CBX7: variants seen among roughly 807,000 people sequenced by gnomAD.
The protein encoded by CBX7 is chromobox protein homolog 7.
In CBX7, 14 loss-of-function variants were observed where a neutral mutation model predicts 31.4. The observed-to-expected ratio is 0.45, with a 90% CI of 0.29 to 0.70. CBX7 has a LOEUF of 0.70. Ranked by LOEUF, CBX7 falls within the 30% of genes least tolerant of loss-of-function variation. The pLI, the probability that CBX7 is intolerant of heterozygous loss-of-function variation, is 0.11. For missense variants in CBX7, 269 were observed against 351.9 expected, an observed-to-expected ratio of 0.76 and a Z score of 1.89; for synonymous variants, 159 against 152.6, an observed-to-expected ratio of 1.04 and a Z score of -0.31.
chr22:39,145,170 T>C (rs1930600140), intron 2 of CBX7, among the ~76,000 whole-genome samples: 1 of 151,924 alleles, frequency 6.6e-6, no homozygotes, highest in Non-Finnish European at 1.5e-5. Context: ...GGCAGCTGGG[T>C]CTGAGATAAC....
intron 3 of CBX7, among the ~76,000 whole-genome samples, chr22:39,140,770 G>T (rs1013954365): frequency 6.6e-6 from 1 of 152,196 alleles, no homozygotes; most frequent in East Asian, 1.9e-4. Context: ...AACTGTTAGG[G>T]TGTGCCCAGC....
At chr22:39,147,251 G>A (rs2146369633) in intron 2 of CBX7, 1 of 152,018 alleles carries the variant, frequency 6.6e-6, no homozygotes, top group African/African-American at 2.4e-5. Context: ...TTTTGGTAGA[G>A]ACGGGGTTTT....
intron 4 of CBX7, among the ~76,000 whole-genome samples, chr22:39,137,646 G>A (rs1290705312): frequency 6.6e-6 from 1 of 152,048 alleles, no homozygotes; most frequent in Non-Finnish European, 1.5e-5. Flanking sequence ...ACCGCACATG[G>A]CAGCATTTTG....
chr22:39,144,868 G>T (rs1241608717), intron 2 of CBX7, among the ~76,000 whole-genome samples: 1 of 152,240 alleles, frequency 6.6e-6, no homozygotes, highest in Non-Finnish European at 1.5e-5. Context: ...AGGCGCTGGC[G>T]AGGTAGGTGC....
At chr22:39,144,983 G>A (rs1371067468) in intron 2 of CBX7, among the ~76,000 whole-genome samples, 2 of 152,176 alleles carry the variant, frequency 1.3e-5, no homozygotes, top group East Asian at 1.9e-4. Flanking sequence ...GTTGGCTCTC[G>A]GCCACACTCC....
Position 39,134,394 on chromosome 22 carries a change from G to C in CBX7, c.598+7C>G. 1 of 1,592,832 alleles carries C rather than the reference G, an allele frequency of 6.3e-7. No homozygotes were observed. Among genetic ancestry groups the C allele is most frequent in the Non-Finnish European group, 8.5e-7 (1 of 1,176,224 alleles). On this transcript the variant is annotated splice_region_variant and intron_variant, in intron 5 of 5. Coordinates refer to ENST00000216133, the MANE Select transcript of CBX7 (RefSeq NM_175709.5). The stretch of plus-strand genomic sequence containing the variant: ...CTCTGAGGGTCTCTGGGCTGGGGCC[G>C]CCTTACCCTCCTCTTCAGGGGGCTG...
intron 4 of CBX7, 108 bp downstream of exon 4, chr22:39,138,528 C>T (rs1006994480): frequency 1.5e-5 from 16 of 1,040,522 alleles, no homozygotes; most frequent in Admixed American, 6.8e-5. Context: ...GTGGTACAGG[C>T]GAGGGGACAC....
chr22:39,151,862 GGGAATA>G (rs1214986573), intron 1 of CBX7, among the ~76,000 whole-genome samples: 1 of 146,072 alleles, frequency 6.8e-6, no homozygotes, highest in Non-Finnish European at 1.5e-5. Flanking sequence ...GGTGGGGGCG[GGGAATA>G]GGGATGTGCT....
chr22:39,145,059 G>C (rs985972416), intron 2 of CBX7, among the ~76,000 whole-genome samples: 8 of 152,156 alleles, frequency 5.3e-5, no homozygotes, highest in Non-Finnish European at 1.2e-4. Flanking sequence ...GGGAGGGGGC[G>C]TCGCCCCCTC....
chr22:39,138,289 T>C (rs971609137), intron 4 of CBX7, among the ~76,000 whole-genome samples: 1 of 152,098 alleles, frequency 6.6e-6, no homozygotes, highest in African/African-American at 2.4e-5. Context: ...AGTGATAATT[T>C]TGTGTTTAGG....
chr22:39,140,993 C>CGCCTCCTA (rs1930434859), intron 3 of CBX7: 3 of 227,646 alleles, frequency 1.3e-5, no homozygotes, highest in African/African-American at 7.1e-5. Context: ...CTGGCAGTGC[C>CGCCTCCTA]GCCTCCTAGC....
intron 3 of CBX7, chr22:39,141,060 A>G (rs1930437298): frequency 1.8e-5 from 6 of 336,672 alleles, no homozygotes; most frequent in Non-Finnish European, 2.8e-5. Flanking sequence ...GAAACCTCTT[A>G]CGGCCCCTCT....
Position 39,141,734 on chromosome 22 carries a change from G to A in CBX7, c.114-298C>T, listed in dbSNP as rs1443018552. ...ATTGCACTCCAGCCTGGGTGACAGA[G>A]TAAGACTCTAAAAAAAAAAAAAAAA... is the stretch of plus-strand genomic sequence containing the variant. On this transcript the variant is annotated intron_variant, in intron 2 of 5. Coordinates refer to ENST00000216133, the MANE Select transcript of CBX7 (RefSeq NM_175709.5). Among the ~76,000 whole-genome samples, 9 of 148,564 alleles carry A rather than the reference G, an allele frequency of 6.1e-5. No individual in the cohort carries two copies. The East Asian group carries it at 1.2e-3, about 19-fold the overall frequency.
rs1930042383 is a variant in CBX7, at chr22:39,131,609, T to G, written c.*2282A>C. 2 of 152,200 alleles carry G rather than the reference T, an allele frequency of 1.3e-5. No individual in the cohort carries two copies. The highest frequency in any genetic ancestry group is 4.8e-5 in the African/African-American group (2 of 41,408). 9.4% of individuals were successfully genotyped at this position (152,200 alleles called of 1,614,324 possible). The stretch of plus-strand genomic sequence containing the variant: ...AGGTCACACCCCTGGAGTTCAGCTC[T>G]CCCTGAGCCACGGAGTTCCCCATGG... On this transcript the variant is annotated 3_prime_UTR_variant, in exon 6 of 6. Coordinates refer to ENST00000216133, the MANE Select transcript of CBX7 (RefSeq NM_175709.5).
chr22:39,145,569 G>A (rs1034750943), intron 2 of CBX7, among the ~76,000 whole-genome samples: 5 of 151,976 alleles, frequency 3.3e-5, no homozygotes, highest in African/African-American at 1.2e-4. Flanking sequence ...GGACACCGGG[G>A]GACTGCGGGG....
chr22:39,132,298 A>G lies in CBX7; in HGVS notation c.*1593T>C, dbSNP rs1930070689. On this transcript the variant is annotated 3_prime_UTR_variant, in exon 6 of 6. Transcript: ENST00000216133. ...AGACTCTGTGACTTCCTGAGGACAC[A>G]GAGCAGAGCTGCGAGGAGGGCGGGC... 6.6e-6 allele frequency: 1 copy of G among 152,214 alleles called. No homozygotes were observed. The highest frequency in any genetic ancestry group is 1.5e-5 in the Non-Finnish European group (1 of 68,044). 9.4% of individuals were successfully genotyped at this position (152,214 alleles called of 1,614,324 possible). A position where few individuals can be genotyped will look rare whatever the true frequency, so the allele number is the denominator to read the frequency against.
At chr22:39,138,068 C>A (rs1289551990) in intron 4 of CBX7, among the ~76,000 whole-genome samples, 3 of 151,556 alleles carry the variant, frequency 2.0e-5, no homozygotes, top group African/African-American at 7.3e-5. Context: ...GTAGTCCCAG[C>A]TACTGGGGAG....
chr22:39,132,120 A>T lies in CBX7; in HGVS notation c.*1771T>A, dbSNP rs992691884. ...TGGAAGCACTGAATTGACCGTGGAC[A>T]ACTAAAGATCGAGGAGGAAGGAAAG... On this transcript the variant is annotated 3_prime_UTR_variant, in exon 6 of 6. Coordinates refer to ENST00000216133, the MANE Select transcript of CBX7 (RefSeq NM_175709.5). 6.6e-6 allele frequency: 1 copy of T among 152,322 alleles called. No homozygotes were observed. The highest frequency in any genetic ancestry group is 2.4e-5 in the African/African-American group (1 of 41,434). The allele number at this position is 152,322 out of a possible 1,614,324, so 9.4% of individuals were successfully genotyped here.
intron 1 of CBX7, among the ~76,000 whole-genome samples, chr22:39,150,643 G>C (rs1169966909): frequency 6.6e-6 from 1 of 152,168 alleles, no homozygotes; most frequent in Non-Finnish European, 1.5e-5. Flanking sequence ...GGTGGCACTT[G>C]TCTGTGGTCC....
Sources: gnomAD v4.1 joint callset for allele counts (sites outside exome capture counted in the v4.1 genomes callset) on GRCh38, gnomAD v4.1.1 for gene constraint, MANE v1.5 for transcripts, NCBI Gene and HGNC (gene_info 2026-07-23, HGNC 2026-07-21) for gene names.